Variants in EDAR observed in about 807,000 individuals in gnomAD.
EDAR encodes ectodysplasin A receptor, also known as tumor necrosis factor receptor superfamily member EDAR.
Under a neutral mutation model 51.3 loss-of-function variants are expected in EDAR, and 38 were observed. The ratio of observed to expected loss-of-function variants is 0.74; its 90% CI spans 0.57 to 0.97. The LOEUF (loss-of-function observed/expected upper bound fraction) is 0.97. Ranked by LOEUF, EDAR falls within the 50% of genes least tolerant of loss-of-function variation. EDAR has a pLI of 0.00. For missense variants in EDAR, 528 were observed against 595.0 expected, an observed-to-expected ratio of 0.89 and a Z score of 1.17; for synonymous variants, 227 against 242.1, an observed-to-expected ratio of 0.94 and a Z score of 0.58.
intron 5 of EDAR, among the ~76,000 whole-genome samples, chr2:108,918,488 G>A (rs977706645): frequency 9.2e-5 from 14 of 152,298 alleles, no homozygotes; most frequent in Admixed American, 3.9e-4. Flanking sequence ...CCTGAGTTTC[G>A]AATAAGCAAG....
chr2:108,971,568 AC>A (rs961116699), intron 1 of EDAR, among the ~76,000 whole-genome samples: 3 of 151,864 alleles, frequency 2.0e-5, no homozygotes, highest in Non-Finnish European at 4.4e-5. Context: ...GTAAATAAAT[AC>A]CCAGAATGAA....
At chr2:108,949,810 T>C (rs957767354) in intron 1 of EDAR, among the ~76,000 whole-genome samples, 5 of 152,144 alleles carry the variant, frequency 3.3e-5, no homozygotes, top group African/African-American at 7.2e-5. Context: ...TAGCCAATGA[T>C]TTATCATGGG....
chr2:108,923,532 T>G (rs1328075218), intron 4 of EDAR, 79 bp from the exon 5 acceptor site: 2 of 1,353,054 alleles, frequency 1.5e-6, no homozygotes, highest in East Asian at 4.6e-5. Flanking sequence ...GAGAGCACGG[T>G]GGCCAGTCTG....
chr2:108,938,129 A>C (rs1210725083), intron 1 of EDAR, among the ~76,000 whole-genome samples: 3 of 152,232 alleles, frequency 2.0e-5, no homozygotes, highest in African/African-American at 7.2e-5. Flanking sequence ...AGCAGAACCC[A>C]CAGAGGCAGG....
intron 1 of EDAR, among the ~76,000 whole-genome samples, chr2:108,956,916 G>A (rs888257161): frequency 6.6e-6 from 1 of 152,100 alleles, no homozygotes; most frequent in Non-Finnish European, 1.5e-5. Flanking sequence ...AGCCTCCCGA[G>A]TAGCTGGGAT....
chr2:108,970,545 C>A (rs1698216820), intron 1 of EDAR, among the ~76,000 whole-genome samples: 1 of 151,996 alleles, frequency 6.6e-6, no homozygotes, highest in Admixed American at 6.6e-5. Context: ...GGGAGCCTGA[C>A]TGGGCAGGGA....
At chr2:108,983,080 T>G (rs2104481317) in intron 1 of EDAR, among the ~76,000 whole-genome samples, 1 of 152,302 alleles carries the variant, frequency 6.6e-6, no homozygotes, top group South Asian at 2.1e-4. Flanking sequence ...CACAATTAGT[T>G]TGTGCTGCTT....
At chr2:108,987,179 G>A (rs955743960) in intron 1 of EDAR, among the ~76,000 whole-genome samples, 1 of 152,188 alleles carries the variant, frequency 6.6e-6, no homozygotes, top group Non-Finnish European at 1.5e-5. Context: ...TTTGAAGCTG[G>A]GTTCCTGGGC....
At chr2:108,967,172 T>A (rs531371778) in intron 1 of EDAR, among the ~76,000 whole-genome samples, 1 of 152,314 alleles carries the variant, frequency 6.6e-6, no homozygotes, top group Admixed American at 6.5e-5. Flanking sequence ...TGCCCTCAAC[T>A]GATCCACCTG....
chr2:108,932,454 G>C (rs1181898073), intron 1 of EDAR, among the ~76,000 whole-genome samples: 1 of 150,790 alleles, frequency 6.6e-6, no homozygotes, highest in Non-Finnish European at 1.5e-5. Context: ...GCATGAACCC[G>C]GGAGGCGGAG....
intron 1 of EDAR, among the ~76,000 whole-genome samples, chr2:108,970,642 T>C (rs1410794057): frequency 6.6e-6 from 1 of 152,056 alleles, no homozygotes; most frequent in Non-Finnish European, 1.5e-5. Flanking sequence ...ATACTTCACT[T>C]CCTTCCTGCT....
At chr2:108,966,348 T>C (rs1281102754) in intron 1 of EDAR, among the ~76,000 whole-genome samples, 2 of 152,258 alleles carry the variant, frequency 1.3e-5, no homozygotes, top group Non-Finnish European at 2.9e-5. Flanking sequence ...TTTACTATGC[T>C]GAGACTGGCA....
At chr2:108,901,988 C>T (rs939394027) in intron 11 of EDAR, among the ~76,000 whole-genome samples, 6 of 152,052 alleles carry the variant, frequency 3.9e-5, no homozygotes, top group African/African-American at 1.2e-4. Flanking sequence ...GCCTGTAATC[C>T]CAGCACTTTG....
intron 1 of EDAR, among the ~76,000 whole-genome samples, chr2:108,979,594 T>G (rs1698388144): frequency 1.3e-5 from 2 of 152,014 alleles, no homozygotes; most frequent in Non-Finnish European, 2.9e-5. Context: ...TTGGAGACCC[T>G]GAGCCATGCT....
intron 8 of EDAR, 22 bp from the exon 9 acceptor site, chr2:108,910,554 G>C: frequency 6.3e-7 from 1 of 1,598,688 alleles, no homozygotes; most frequent in Non-Finnish European, 8.6e-7. Context: ...TGGGGAGGTT[G>C]GGGAGATAGG....
intron 1 of EDAR, among the ~76,000 whole-genome samples, chr2:108,977,529 C>T (rs1668959593): frequency 6.6e-6 from 1 of 152,172 alleles, no homozygotes; most frequent in African/African-American, 2.4e-5. Flanking sequence ...CTCGGCCTCC[C>T]AAAGTGCTGG....
chr2:108,943,230 C>A (rs77482530), intron 1 of EDAR, among the ~76,000 whole-genome samples: 68 of 152,272 alleles, frequency 4.5e-4, no homozygotes, highest in African/African-American at 1.6e-3. Context: ...TTGAGAAGGG[C>A]AAGCTCAGCA....
At chr2:108,920,857 A>T (rs1574379373) in intron 5 of EDAR, among the ~76,000 whole-genome samples, 1 of 152,334 alleles carries the variant, frequency 6.6e-6, no homozygotes, top group Non-Finnish European at 1.5e-5. Flanking sequence ...TGAGCCACAC[A>T]GGAGCCTGGG....
intron 9 of EDAR, 116 bp downstream of exon 9, chr2:108,910,344 G>A (rs1000728685): frequency 2.8e-5 from 23 of 831,550 alleles, no homozygotes; most frequent in East Asian, 1.0e-4. Flanking sequence ...GTCGCCGAAC[G>A]TCCCCATAGT....
Sources: gnomAD v4.1 joint callset for allele counts (sites outside exome capture counted in the v4.1 genomes callset) on GRCh38, gnomAD v4.1.1 for gene constraint, MANE v1.5 for transcripts, NCBI Gene and HGNC (gene_info 2026-07-23, HGNC 2026-07-21) for gene names.